Variants in PTPRD observed in about 807,000 individuals in gnomAD.
The protein encoded by PTPRD is protein tyrosine phosphatase receptor type D.
PTPRD carries 34 observed loss-of-function variants against 214.5 expected under a neutral mutation model. The observed-to-expected ratio is 0.16, with a 90% confidence interval of 0.12 to 0.21. PTPRD has a LOEUF of 0.21. PTPRD is among the 10% of genes least tolerant of loss of function. PTPRD has a pLI of 1.00. For missense variants in PTPRD, 2,545 were observed against 2,398.7 expected, an observed-to-expected ratio of 1.06 and a Z score of -1.27; for synonymous variants, 1,128 against 845.7, an observed-to-expected ratio of 1.33 and a Z score of -5.79.
intron 5 of PTPRD, among the ~76,000 whole-genome samples, chr9:9,826,765 C>G (rs1197107628): frequency 6.6e-6 from 1 of 152,008 alleles, no homozygotes; most frequent in Non-Finnish European, 1.5e-5. Flanking sequence ...ACCCCATTGT[C>G]TCAGCCCAAA....
rs1213715193 is a variant in PTPRD at position 9,402,231 on chromosome 9, G to A, written c.-236-4749C>T. Among the ~76,000 whole-genome samples, 3 of 151,990 alleles carry A rather than the reference G, an allele frequency of 2.0e-5. No individual in the cohort carries two copies. In the East Asian group the frequency reaches 5.8e-4, roughly 29 times the overall value. ...AAATATAGTACAGAAATGTCCAGTG[G>A]CCAAAACTGAAGAAAAAAGTGGAAA... On this transcript the variant is annotated intron_variant, in intron 8 of 45. Transcript: ENST00000381196.
At chr9:8,667,407 A>C (rs887215760) in intron 12 of PTPRD, among the ~76,000 whole-genome samples, 21 of 152,170 alleles carry the variant, frequency 1.4e-4, no homozygotes, top group African/African-American at 5.1e-4. Flanking sequence ...AAATCCAACC[A>C]GTTCAACATA....
At chr9:9,646,529 T>C (rs1206466356) in intron 7 of PTPRD, among the ~76,000 whole-genome samples, 1 of 152,192 alleles carries the variant, frequency 6.6e-6, no homozygotes, top group Non-Finnish European at 1.5e-5. Flanking sequence ...TATCAGAATG[T>C]AGGTATTATT....
chr9:8,573,477 C>A (rs1396526039), intron 14 of PTPRD, among the ~76,000 whole-genome samples: 1 of 151,914 alleles, frequency 6.6e-6, no homozygotes, highest in Non-Finnish European at 1.5e-5. Context: ...ACTGAAGATA[C>A]TCTTCACAAG....
At chr9:8,735,902 C>G (rs1386329465) in intron 11 of PTPRD, among the ~76,000 whole-genome samples, 1 of 85,928 alleles carries the variant, frequency 1.2e-5, no homozygotes, top group African/African-American at 5.6e-5. Context: ...ACAAGTGAGA[C>G]TTCGTCTCAA....
At chr9:10,481,737 T>C (rs1356415411) in intron 2 of PTPRD, among the ~76,000 whole-genome samples, 1 of 152,212 alleles carries the variant, frequency 6.6e-6, no homozygotes, top group South Asian at 2.1e-4. Context: ...TTTTTAATTA[T>C]ATTAAAATTG....
intron 11 of PTPRD, among the ~76,000 whole-genome samples, chr9:9,014,031 T>C (rs2099522886): frequency 7.6e-6 from 1 of 131,770 alleles, no homozygotes; most frequent in Non-Finnish European, 1.7e-5. Flanking sequence ...TATCTTCTGA[T>C]GTTCATAATA....
intron 26 of PTPRD, among the ~76,000 whole-genome samples, chr9:8,496,171 AACACACAC>A (rs566859758): frequency 0.023 from 3,151 of 135,068 alleles, 78 homozygotes; most frequent in African/African-American, 0.076. Flanking sequence ...CCAACTCTCC[AACACACAC>A]ACACACACAC....
chr9:9,360,329 C>G (rs2055594115), intron 9 of PTPRD, among the ~76,000 whole-genome samples: 1 of 150,818 alleles, frequency 6.6e-6, no homozygotes, highest in Admixed American at 6.6e-5. Flanking sequence ...CTCAATTTAA[C>G]AGAAGCAAAT....
chr9:8,447,509 T>C (rs149615041), intron 34 of PTPRD, among the ~76,000 whole-genome samples: 1 of 152,188 alleles, frequency 6.6e-6, no homozygotes, highest in Non-Finnish European at 1.5e-5. Flanking sequence ...AGTTTGGCCA[T>C]ATTTGCAAAA....
intron 3 of PTPRD, among the ~76,000 whole-genome samples, chr9:10,154,980 A>C (rs2099084459): frequency 6.6e-6 from 1 of 151,984 alleles, no homozygotes; most frequent in Non-Finnish European, 1.5e-5. Flanking sequence ...TAGGTCTGTG[A>C]AGTACATAAT....
chr9:9,681,136 A>G (rs191924961), intron 7 of PTPRD, among the ~76,000 whole-genome samples: 102 of 151,996 alleles, frequency 6.7e-4, no homozygotes, highest in African/African-American at 2.4e-3. Context: ...ACTCAAAGCC[A>G]ATTTCCATTC....
chr9:9,987,492 T>G (rs1437927597), intron 4 of PTPRD, among the ~76,000 whole-genome samples: 1 of 152,054 alleles, frequency 6.6e-6, no homozygotes, highest in Non-Finnish European at 1.5e-5. Context: ...AACTCCTGTT[T>G]CTAAAACCAT....
intron 2 of PTPRD, among the ~76,000 whole-genome samples, chr9:10,487,800 G>T (rs940056166): frequency 1.3e-5 from 2 of 151,466 alleles, no homozygotes; most frequent in Admixed American, 6.6e-5. Flanking sequence ...AAACCTGCAT[G>T]TTCTGCACAT....
At chr9:8,560,549 T>C (rs1230399610) in intron 14 of PTPRD, among the ~76,000 whole-genome samples, 1 of 152,130 alleles carries the variant, frequency 6.6e-6, no homozygotes, top group African/African-American at 2.4e-5. Flanking sequence ...AAAAAATGTA[T>C]GTATAGATGA....
intron 12 of PTPRD, among the ~76,000 whole-genome samples, chr9:8,716,261 G>A (rs1352624346): frequency 3.3e-5 from 5 of 152,166 alleles, no homozygotes; most frequent in African/African-American, 1.2e-4. Flanking sequence ...AACCTACAAG[G>A]AGAACCAAAG....
At chr9:9,026,128 G>C (rs1452385955) in intron 10 of PTPRD, among the ~76,000 whole-genome samples, 2 of 51,798 alleles carry the variant, frequency 3.9e-5, no homozygotes, top group East Asian at 6.0e-4. Context: ...AGTCAGGAAG[G>C]CCTTATAGAG....
chr9:10,186,758 C>T (rs530161506), intron 3 of PTPRD, among the ~76,000 whole-genome samples: 150 of 152,196 alleles, frequency 9.9e-4, no homozygotes, highest in African/African-American at 3.4e-3. Context: ...AGAGCCTAGA[C>T]TACTGTCACA....
chr9:9,760,678 T>C (rs2154475282), intron 6 of PTPRD, among the ~76,000 whole-genome samples: 2 of 150,424 alleles, frequency 1.3e-5, no homozygotes, highest in South Asian at 4.2e-4. Flanking sequence ...TCCAGCACTG[T>C]TCATACGTGT....
Sources: allele counts gnomAD v4.1 joint callset (sites outside exome capture counted in the v4.1 genomes callset), GRCh38; gene constraint gnomAD v4.1.1; transcripts MANE v1.5; gene names NCBI Gene and HGNC (gene_info 2026-07-23, HGNC 2026-07-21).